Variants in IFITM10 observed in about 807,000 individuals in gnomAD.
IFITM10 encodes the protein interferon-induced transmembrane protein 10.
IFITM10 carries 17 observed loss-of-function variants against 19.0 expected under a neutral mutation model. The ratio of observed to expected loss-of-function variants is 0.90; its 90% confidence interval spans 0.61 to 1.34. The LOEUF (loss-of-function observed/expected upper bound fraction) is 1.34. Ranked by LOEUF, IFITM10 falls within the 40% of genes most tolerant of loss-of-function variation. The pLI, the probability that IFITM10 is intolerant of heterozygous loss-of-function variation, is 0.00. For synonymous variants in IFITM10, 148 were observed against 147.2 expected (o/e 1.01, Z -0.04); for missense variants, 306 against 319.8 (o/e 0.96, Z 0.33).
chr11:1,744,768 G>C (rs1202784814), intron 2 of IFITM10: 1 of 152,490 alleles, frequency 6.6e-6, no homozygotes, highest in Non-Finnish European at 1.5e-5. Context: ...ATGTTGTTTT[G>C]TTTCTATTTG....
At chr11:1,740,323 A>AAAAAAAC (rs1845548695) in intron 2 of IFITM10, among the ~76,000 whole-genome samples, 1 of 150,772 alleles carries the variant, frequency 6.6e-6, no homozygotes, top group African/African-American at 2.4e-5. Flanking sequence ...AAAAAAAAAA[A>AAAAAAAC]AGAACAGATA....
chr11:1,746,672 C>T (rs1845654226), intron 2 of IFITM10: 3 of 398,536 alleles, frequency 7.5e-6, no homozygotes, highest in Non-Finnish European at 1.3e-5. Context: ...GCGAAGCTGG[C>T]CAGGCGTCCT....
intron 2 of IFITM10, among the ~76,000 whole-genome samples, chr11:1,738,136 G>A (rs76147710): frequency 4.6e-4 from 70 of 152,252 alleles, no homozygotes; most frequent in Middle Eastern, 3.4e-3. Context: ...AATGGATGTA[G>A]AAACTTGTGC....
At chr11:1,743,297 A>C (rs1162462794) in intron 2 of IFITM10, among the ~76,000 whole-genome samples, 1 of 148,588 alleles carries the variant, frequency 6.7e-6, no homozygotes, top group Non-Finnish European at 1.5e-5. Context: ...TGGAGGATGG[A>C]TGGATGGACA....
In IFITM10 at chr11:1,747,960, C is replaced by G; in HGVS notation, c.244G>C (p.Ala82Pro). 1 of 1,463,888 alleles carries G rather than the reference C, an allele frequency of 6.8e-7. No individual in the cohort carries two copies. The highest frequency in any genetic ancestry group is 9.0e-7 in the Non-Finnish European group (1 of 1,107,520). 90.7% of individuals were successfully genotyped at this position (1,463,888 alleles called of 1,614,324 possible). Residue 82 changes from alanine (A) to proline (P), a missense_variant, in exon 2 of 3, where the codon GCC becomes CCC. Ala to Pro is a conservative substitution (Grantham distance 27, BLOSUM62 -1). Transcript: ENST00000340134. The stretch of plus-strand genomic sequence containing the variant: ...GCAGGGGCCGCCGGAGCCTGCAGGG[C>G]AGGGGGCTTGGACACGCAAGCGAAG... ...GCFACVSKPP[A>P]LQAPAAPAPE...
At position 1,748,107 on chromosome 11, in the gene IFITM10, C is replaced by CG; in HGVS notation, c.96dup (p.Gly33ArgfsTer60). On this transcript the variant is annotated frameshift_variant, in exon 2 of 3. Transcript: ENST00000340134. LOFTEE classifies it high-confidence loss of function. ...TCTCCCAGCGGGGCTGGGCACTGGC[C>CG]GGGGCCCTGGGCCTGGAGAGGAGAA... is the stretch of plus-strand genomic sequence containing the variant. 7.2e-7 allele frequency: 1 copy of CG among 1,388,374 alleles called. No homozygotes were observed. Among genetic ancestry groups the CG allele is most frequent in the Non-Finnish European group, 9.3e-7 (1 of 1,079,314 alleles). The allele number at this position is 1,388,374 out of a possible 1,614,324, so 86.0% of individuals were successfully genotyped here.
intron 2 of IFITM10, chr11:1,746,754 A>G: frequency 2.5e-6 from 1 of 398,876 alleles, no homozygotes; most frequent in Non-Finnish European, 4.4e-6. Flanking sequence ...CCGGCAGGGC[A>G]GCTGCATTGG....
intron 2 of IFITM10, among the ~76,000 whole-genome samples, chr11:1,743,064 CGGAT>C (rs1296966143): frequency 1.5e-4 from 14 of 93,608 alleles, no homozygotes; most frequent in South Asian, 7.7e-4. Flanking sequence ...GGATGGAGGG[CGGAT>C]GGATGGATGG....
At chr11:1,747,641 TG>T (rs1198609396) in intron 2 of IFITM10, 25 bp downstream of exon 2, 17 of 1,547,722 alleles carry the variant, frequency 1.1e-5, no homozygotes, top group Non-Finnish European at 1.4e-5. Context: ...AGCCCGCCCT[TG>T]CCCCCTGCCA....
At chr11:1,746,989 T>C (rs1354823485) in intron 2 of IFITM10, among the ~76,000 whole-genome samples, 1 of 151,990 alleles carries the variant, frequency 6.6e-6, no homozygotes, top group East Asian at 1.9e-4. Flanking sequence ...CCTCCCACCA[T>C]CTCAGTCCCT....
chr11:1,750,297 C>A, intron 1 of IFITM10, 62 bp downstream of exon 1: 1 of 1,550,216 alleles, frequency 6.5e-7, no homozygotes, highest in Admixed American at 2.0e-5. Flanking sequence ...AGCCTTCCCT[C>A]CCTCCCTCCA....
At position 1,747,941 on chromosome 11, in the gene IFITM10, G is replaced by A; in HGVS notation, c.263C>T (p.Ala88Val). Reference sequence around the variant, plus strand: ...AGAGGCCGAGGGCTCAGGGGCAGGGGCCGCCGGAGCCTGCAGGGCAGGGGG... The same window carrying A: ...AGAGGCCGAGGGCTCAGGGGCAGGGACCGCCGGAGCCTGCAGGGCAGGGGG... ...SKPPALQAPA[A>V]PAPEPSASPP... is the part of the protein sequence containing the mutation. Residue 88 changes from alanine (A) to valine (V), a missense_variant, in exon 2 of 3, where the codon GCC becomes GTC. Ala to Val is a moderately conservative substitution (Grantham distance 64, BLOSUM62 0). Transcript: ENST00000340134. 1 of 1,474,208 alleles carries A rather than the reference G, an allele frequency of 6.8e-7. No individual in the cohort carries two copies. The highest frequency in any genetic ancestry group is 1.8e-4 in the Middle Eastern group (1 of 5,626). 91.3% of individuals were successfully genotyped at this position (1,474,208 alleles called of 1,614,324 possible).
rs967386240 is a variant in IFITM10 at position 1,736,772 on chromosome 11, G to A, written c.538-1343C>T. On this transcript the variant is annotated intron_variant, in intron 2 of 2. Coordinates refer to ENST00000340134, the MANE Select transcript of IFITM10 (RefSeq NM_001170820.4). Reference sequence around the variant, plus strand: ...ATGGAATGGATGGAGTGGAGTCAATGGAATGGATAGAGTGGATGGAGTGGA... The same window carrying A: ...ATGGAATGGATGGAGTGGAGTCAATAGAATGGATAGAGTGGATGGAGTGGA... Among the ~76,000 whole-genome samples, 5 of 149,144 alleles carry A rather than the reference G, an allele frequency of 3.4e-5. No individual in the cohort carries two copies. The East Asian group carries it at 7.7e-4, about 23-fold the overall frequency.
At position 1,735,110 on chromosome 11, in the gene IFITM10, C is replaced by G. The variant is rs1245594286; in HGVS notation, c.*170G>C. ...GGACTGAGGGCCAAGCTCACTGCCCCCTTGCTGTACTCAGCTTCTGATGGC... is the reference window on the plus strand; with the variant it reads ...GGACTGAGGGCCAAGCTCACTGCCCGCTTGCTGTACTCAGCTTCTGATGGC... On this transcript the variant is annotated 3_prime_UTR_variant, in exon 3 of 3. Transcript: ENST00000340134. The G allele has an allele frequency of 1.5e-6, 1 of 649,122 alleles. No individual in the cohort carries two copies. Among genetic ancestry groups the G allele is most frequent in the Admixed American group, 2.9e-5 (1 of 34,068 alleles). The allele number at this position is 649,122 out of a possible 1,614,324, so 40.2% of individuals were successfully genotyped here.
chr11:1,750,588 C>T lies in IFITM10; in HGVS notation c.-146G>A, dbSNP rs778419604. On this transcript the variant is annotated 5_prime_UTR_variant, in exon 1 of 3. Coordinates refer to ENST00000340134, the MANE Select transcript of IFITM10 (RefSeq NM_001170820.4). Reference sequence around the variant, plus strand: ...TGCCTGCCTGTGCCTGACTCTGAACCCTTTCTCTCCCCAAACCTCTGTTCT... The same window carrying T: ...TGCCTGCCTGTGCCTGACTCTGAACTCTTTCTCTCCCCAAACCTCTGTTCT... The T allele has an allele frequency of 2.0e-6, 2 of 1,007,192 alleles. No individual in the cohort carries two copies. Among genetic ancestry groups the T allele is most frequent in the Non-Finnish European group, 2.9e-6 (2 of 688,650 alleles). 62.4% of individuals were successfully genotyped at this position (1,007,192 alleles called of 1,614,324 possible).
At chr11:1,744,269 G>A (rs1845610296) in intron 2 of IFITM10, 2 of 152,404 alleles carry the variant, frequency 1.3e-5, no homozygotes, top group Middle Eastern at 3.4e-3. Context: ...GATTGGCTGG[G>A]GTGAGCAGAT....
intron 2 of IFITM10, 24 bp downstream of exon 2, chr11:1,747,643 C>T (rs528179784): frequency 3.2e-6 from 5 of 1,547,888 alleles, no homozygotes; most frequent in Non-Finnish European, 4.4e-6. Flanking sequence ...CCCGCCCTTG[C>T]CCCCTGCCAC....
intron 2 of IFITM10, among the ~76,000 whole-genome samples, chr11:1,743,443 T>C (rs1056255078): frequency 6.8e-6 from 1 of 147,902 alleles, no homozygotes; most frequent in African/African-American, 2.5e-5. Flanking sequence ...GAAGGACAGA[T>C]GGAGGATGGC....
intron 2 of IFITM10, among the ~76,000 whole-genome samples, chr11:1,738,789 G>A (rs1274018467): frequency 6.6e-6 from 1 of 152,090 alleles, no homozygotes; most frequent in African/African-American, 2.4e-5. Flanking sequence ...GGCCAGGCAT[G>A]GTGGCTCACG....
Sources: allele counts gnomAD v4.1 joint callset (sites outside exome capture counted in the v4.1 genomes callset), GRCh38; gene constraint gnomAD v4.1.1; transcripts MANE v1.5; gene names NCBI Gene and HGNC (gene_info 2026-07-23, HGNC 2026-07-21).